The following MARCHF4 variants were observed in gnomAD, a reference collection of about 807,000 sequenced individuals.
MARCHF4 encodes the protein membrane associated ring-CH-type finger 4.
MARCHF4 carries 14 observed loss-of-function variants against 43.9 expected under a neutral mutation model. That is an observed-to-expected ratio of 0.32 (90% CI 0.21 to 0.50). The LOEUF (loss-of-function observed/expected upper bound fraction) is 0.50, where lower values mean the gene tolerates loss of function less well. MARCHF4 is among the 20% of genes least tolerant of loss of function. MARCHF4 has a pLI of 0.98. For synonymous variants in MARCHF4, 226 were observed against 213.3 expected, an observed-to-expected ratio of 1.06 and a Z score of -0.52; for missense variants, 468 against 536.7, an observed-to-expected ratio of 0.87 and a Z score of 1.27.
intron 1 of MARCHF4, among the ~76,000 whole-genome samples, chr2:216,310,401 A>G (rs1224661708): frequency 2.6e-5 from 4 of 152,232 alleles, no homozygotes; most frequent in Non-Finnish European, 1.5e-5. Flanking sequence ...AGCTGGGACT[A>G]CAGGTGCATG....
intron 1 of MARCHF4, among the ~76,000 whole-genome samples, chr2:216,325,337 T>C (rs1402419285): frequency 6.6e-6 from 1 of 152,082 alleles, no homozygotes; most frequent in Non-Finnish European, 1.5e-5. Flanking sequence ...AATGGAAGAA[T>C]ATTCCATGCT....
chr2:216,332,490 A>T (rs1167635014), intron 1 of MARCHF4, among the ~76,000 whole-genome samples: 1 of 152,112 alleles, frequency 6.6e-6, no homozygotes, highest in Non-Finnish European at 1.5e-5. Flanking sequence ...GGCCAATATA[A>T]AAATCACTGC....
At chr2:216,301,488 C>T (rs190237201) in intron 1 of MARCHF4, among the ~76,000 whole-genome samples, 13 of 152,330 alleles carry the variant, frequency 8.5e-5, no homozygotes, top group Admixed American at 8.5e-4. Flanking sequence ...CCCCAGTGTA[C>T]TGTGTGTGTG....
intron 1 of MARCHF4, among the ~76,000 whole-genome samples, chr2:216,290,969 A>G (rs1691297327): frequency 6.6e-6 from 1 of 152,194 alleles, no homozygotes; most frequent in Non-Finnish European, 1.5e-5. Flanking sequence ...GTACTGAGAT[A>G]CATGTTAATC....
intron 3 of MARCHF4, among the ~76,000 whole-genome samples, chr2:216,265,366 A>G (rs1291206659): frequency 6.6e-6 from 1 of 152,062 alleles, no homozygotes; most frequent in Non-Finnish European, 1.5e-5. Flanking sequence ...ATGTCTCTCC[A>G]CCTTCCGGGG....
intron 1 of MARCHF4, among the ~76,000 whole-genome samples, chr2:216,360,660 G>A (rs1692562328): frequency 6.6e-6 from 1 of 152,138 alleles, no homozygotes; most frequent in Non-Finnish European, 1.5e-5. Context: ...AAACCATTCT[G>A]TATGATACCA....
chr2:216,307,022 A>G (rs887341148), intron 1 of MARCHF4, among the ~76,000 whole-genome samples: 5 of 151,982 alleles, frequency 3.3e-5, no homozygotes, highest in African/African-American at 1.2e-4. Context: ...TGTGCTCCCA[A>G]TAAAGCACAA....
At chr2:216,332,278 G>A (rs1692090964) in intron 1 of MARCHF4, among the ~76,000 whole-genome samples, 1 of 151,830 alleles carries the variant, frequency 6.6e-6, no homozygotes, top group Admixed American at 6.6e-5. Context: ...TGTAATCCCA[G>A]CTACCCAGGA....
intron 1 of MARCHF4, among the ~76,000 whole-genome samples, chr2:216,331,942 C>T (rs1007875012): frequency 3.3e-5 from 5 of 151,886 alleles, no homozygotes; most frequent in African/African-American, 1.2e-4. Context: ...GATTTCTATT[C>T]GTATTATACT....
At position 216,349,777 on chromosome 2, in the gene MARCHF4, G is replaced by T. The variant is rs535993697; in HGVS notation, c.516+19968C>A. On this transcript the variant is annotated intron_variant, in intron 1 of 3. Transcript: ENST00000273067. ...GGAGGTTAAAGTGACAAGGCTGGAGGCTCGACCAAAAGGTTAGGGTCAGAC... is the reference window on the plus strand; with the variant it reads ...GGAGGTTAAAGTGACAAGGCTGGAGTCTCGACCAAAAGGTTAGGGTCAGAC... Among the ~76,000 whole-genome samples, 3 of 152,290 alleles carry T rather than the reference G, an allele frequency of 2.0e-5. No homozygotes were observed. In the South Asian group the frequency reaches 6.2e-4, roughly 32 times the overall value.
chr2:216,276,905 G>A (rs1043001064), intron 3 of MARCHF4, among the ~76,000 whole-genome samples: 2 of 152,196 alleles, frequency 1.3e-5, no homozygotes. Flanking sequence ...CATGGTGGAA[G>A]AAAGGAAGAA....
chr2:216,259,126 CTG>C lies in MARCHF4; in HGVS notation c.*184_*185del. On this transcript the variant is annotated 3_prime_UTR_variant, in exon 4 of 4. Coordinates refer to ENST00000273067, the MANE Select transcript of MARCHF4 (RefSeq NM_020814.3). ...TTGTTGTTGTGGAGAGTGGCATTGA[CTG>C]ATTGGAAATAGCAGAACTGCTCCTG... The C allele has an allele frequency of 1.4e-6, 1 of 696,196 alleles. No individual in the cohort carries two copies. Among genetic ancestry groups the C allele is most frequent in the South Asian group, 3.1e-5 (1 of 32,018 alleles). The allele number at this position is 696,196 out of a possible 1,614,324, so 43.1% of individuals were successfully genotyped here. A position where few individuals can be genotyped will look rare whatever the true frequency, so the allele number is the denominator to read the frequency against.
chr2:216,258,086 G>C lies in MARCHF4; in HGVS notation c.*1226C>G, dbSNP rs997463956. 1 of 152,186 alleles carries C rather than the reference G, an allele frequency of 6.6e-6. No homozygotes were observed. The highest frequency in any genetic ancestry group is 6.5e-5 in the Admixed American group (1 of 15,276). The allele number at this position is 152,186 out of a possible 1,614,324, so 9.4% of individuals were successfully genotyped here. On this transcript the variant is annotated 3_prime_UTR_variant, in exon 4 of 4. Transcript: ENST00000273067. ...CCAGAGCGAGCAGGAGGGGTCCAGGGGTAGTGCTCCCTGCCAGGCACCCTT... is the reference window on the plus strand; with the variant it reads ...CCAGAGCGAGCAGGAGGGGTCCAGGCGTAGTGCTCCCTGCCAGGCACCCTT...
chr2:216,267,845 A>C (rs1462707504), intron 3 of MARCHF4, among the ~76,000 whole-genome samples: 1 of 152,218 alleles, frequency 6.6e-6, no homozygotes, highest in Non-Finnish European at 1.5e-5. Context: ...TGTCAGAACA[A>C]CTGGGATAAA....
intron 1 of MARCHF4, among the ~76,000 whole-genome samples, chr2:216,332,432 AC>A (rs1692093683): frequency 6.6e-6 from 1 of 151,784 alleles, no homozygotes; most frequent in African/African-American, 2.4e-5. Flanking sequence ...AAAGAAAAAA[AC>A]TAAAAACCCG....
chr2:216,350,934 C>A (rs1472425038), intron 1 of MARCHF4, among the ~76,000 whole-genome samples: 1 of 152,140 alleles, frequency 6.6e-6, no homozygotes, highest in African/African-American at 2.4e-5. Context: ...CTTAATTAAA[C>A]CGTAGAAAGA....
chr2:216,368,461 G>T (rs944458248), intron 1 of MARCHF4, among the ~76,000 whole-genome samples: 4 of 152,218 alleles, frequency 2.6e-5, no homozygotes, highest in Non-Finnish European at 5.9e-5. Flanking sequence ...TTCACACTAA[G>T]ATCTATATCA....
chr2:216,288,288 T>C (rs932819625), intron 1 of MARCHF4, among the ~76,000 whole-genome samples: 1 of 152,214 alleles, frequency 6.6e-6, no homozygotes, highest in Non-Finnish European at 1.5e-5. Flanking sequence ...TGAGATCATA[T>C]ATGCAAGAGT....
At chr2:216,266,508 A>G (rs1461290366) in intron 3 of MARCHF4, among the ~76,000 whole-genome samples, 1 of 152,160 alleles carries the variant, frequency 6.6e-6, no homozygotes, top group East Asian at 1.9e-4. Flanking sequence ...GTCATTGTTT[A>G]TAGATGAATG....
Sources: gnomAD v4.1 joint callset for allele counts (sites outside exome capture counted in the v4.1 genomes callset) on GRCh38, gnomAD v4.1.1 for gene constraint, MANE v1.5 for transcripts, NCBI Gene and HGNC (gene_info 2026-07-23, HGNC 2026-07-21) for gene names.